KCNN2: variants seen among roughly 807,000 people sequenced by gnomAD.
KCNN2 encodes the protein small conductance calcium-activated potassium channel protein 2.
KCNN2 carries 24 observed loss-of-function variants against 55.5 expected under a neutral mutation model. That is an observed-to-expected ratio of 0.43 (90% CI 0.31 to 0.61). The LOEUF is 0.61. Ranked by LOEUF, KCNN2 falls within the 20% of genes least tolerant of loss-of-function variation. The pLI is 0.08. For synonymous variants in KCNN2, 431 were observed against 336.1 expected (o/e 1.28, Z -3.09); for missense variants, 754 against 853.6 (o/e 0.88, Z 1.45).
At chr5:114,336,502 A>G (rs1357885634) in intron 2 of KCNN2, among the ~76,000 whole-genome samples, 9 of 152,194 alleles carry the variant, frequency 5.9e-5, no homozygotes, top group Admixed American at 5.9e-4. Context: ...CATGTGCATC[A>G]CTGTACTAGA....
At chr5:114,382,165 G>C (rs1474901514) in intron 2 of KCNN2, among the ~76,000 whole-genome samples, 2 of 152,126 alleles carry the variant, frequency 1.3e-5, no homozygotes, top group Non-Finnish European at 2.9e-5. Flanking sequence ...CAACATAGAA[G>C]ACCTGGCATA....
At chr5:114,458,821 C>A (rs1761054565) in intron 3 of KCNN2, among the ~76,000 whole-genome samples, 1 of 152,118 alleles carries the variant, frequency 6.6e-6, no homozygotes, top group Non-Finnish European at 1.5e-5. Flanking sequence ...ACAAACAGAT[C>A]CTCAGAGTAC....
At chr5:114,404,306 G>A in intron 2 of KCNN2, 132 bp from the exon 3 acceptor site, 1 of 660,908 alleles carries the variant, frequency 1.5e-6, no homozygotes. Context: ...TACCTGGCTA[G>A]CATTTAAAAG....
intron 1 of KCNN2, among the ~76,000 whole-genome samples, chr5:114,108,010 GGATATCTAATGTCCTTGCTAAAGA>G: frequency 6.6e-6 from 1 of 152,050 alleles, no homozygotes; most frequent in African/African-American, 2.4e-5. Context: ...TTGGTAGATA[GGATATCTAATGTCCTTGCTAAAGA>G]TTAATTTGTA....
intron 1 of KCNN2, among the ~76,000 whole-genome samples, chr5:114,115,537 C>T (rs1751693337): frequency 6.6e-6 from 1 of 152,018 alleles, no homozygotes; most frequent in Non-Finnish European, 1.5e-5. Context: ...GACATGAATG[C>T]CAGTGATGAT....
intron 3 of KCNN2, among the ~76,000 whole-genome samples, chr5:114,425,383 T>C (rs1580819300): frequency 1.3e-5 from 2 of 152,334 alleles, no homozygotes; most frequent in Middle Eastern, 6.8e-3. Flanking sequence ...TGCTAATTTC[T>C]GGACACCTCC....
intron 2 of KCNN2, among the ~76,000 whole-genome samples, chr5:114,290,409 C>A (rs1598823): frequency 5.9e-4 from 90 of 151,676 alleles, no homozygotes; most frequent in African/African-American, 2.2e-3. Context: ...TATTATAATC[C>A]TTTTTATTCC....
At chr5:114,097,440 A>G (rs990195344) in intron 1 of KCNN2, among the ~76,000 whole-genome samples, 4 of 152,120 alleles carry the variant, frequency 2.6e-5, no homozygotes, top group Non-Finnish European at 4.4e-5. Flanking sequence ...TCATGGGTAT[A>G]TGTTTAGCAT....
intron 1 of KCNN2, among the ~76,000 whole-genome samples, chr5:114,094,687 C>T (rs980270271): frequency 5.9e-5 from 9 of 152,156 alleles, no homozygotes; most frequent in Admixed American, 5.2e-4. Flanking sequence ...TCCGAAGAAA[C>T]ACTTTAAGTA....
At chr5:114,060,937 GC>G (rs1304290628) in intron 1 of KCNN2, among the ~76,000 whole-genome samples, 4 of 152,330 alleles carry the variant, frequency 2.6e-5, no homozygotes, top group African/African-American at 9.6e-5. Context: ...CAGTGCTCTG[GC>G]AGTGGAGTAG....
intron 2 of KCNN2, among the ~76,000 whole-genome samples, chr5:114,241,330 T>A (rs888882999): frequency 2.0e-5 from 3 of 151,928 alleles, no homozygotes; most frequent in African/African-American, 7.2e-5. Context: ...GTAGGATAAA[T>A]TTTGGAGAAG....
In KCNN2 at chr5:114,256,216, G is replaced by GGT. The variant is rs781119925; in HGVS notation, c.-185+34660_-185+34661dup. Among the ~76,000 whole-genome samples, 37 of 151,092 alleles carry GGT rather than the reference G, an allele frequency of 2.4e-4. No homozygotes were observed. The East Asian group carries it at 4.9e-3, about 20-fold the overall frequency. On this transcript the variant is annotated intron_variant, in intron 2 of 10. Coordinates refer to the KCNN2 transcript ENST00000512097. Reference sequence around the variant, plus strand: ...TGGCTGAGTAGGATTCCATGGTATGGGTGTGTGTGTATATATATATATCTA... The same window carrying GGT: ...TGGCTGAGTAGGATTCCATGGTATGGGTGTGTGTGTGTATATATATATATCTA...
chr5:114,467,882 C>A lies in KCNN2; in HGVS notation c.1779+4692C>A, dbSNP rs187524723. ...TCTGAAGTACCTGCACTCACACTGG[C>A]ACTGTTGCTAATCAGGAGATTTAAA... On this transcript the variant is annotated intron_variant, in intron 4 of 7. Coordinates refer to ENST00000673685, the MANE Select transcript of KCNN2 (RefSeq NM_021614.4). 2.2e-3 allele frequency among the ~76,000 whole-genome samples: 330 copies of A among 152,280 alleles called. 1 individual carries two copies. Among genetic ancestry groups the A allele is most frequent in the African/African-American group, 7.5e-3 (311 of 41,554 alleles).
At chr5:114,377,739 C>T (rs189447860) in intron 2 of KCNN2, among the ~76,000 whole-genome samples, 29 of 152,248 alleles carry the variant, frequency 1.9e-4, no homozygotes, top group Middle Eastern at 3.4e-3. Flanking sequence ...CGTAAGAAGA[C>T]AGTATTACCC....
At chr5:114,313,119 A>C (rs1322295467) in intron 2 of KCNN2, among the ~76,000 whole-genome samples, 2 of 152,058 alleles carry the variant, frequency 1.3e-5, no homozygotes, top group Admixed American at 6.6e-5. Context: ...TGTACTGTAC[A>C]TTTAGCTTCA....
intron 1 of KCNN2, among the ~76,000 whole-genome samples, chr5:114,177,998 A>G (rs911763513): frequency 1.2e-4 from 19 of 152,226 alleles, no homozygotes; most frequent in Admixed American, 5.2e-4. Context: ...TAATTTTATC[A>G]TATGACATTG....
rs1748122038 is a variant in KCNN2, at chr5:114,496,337, G to C, written c.*155G>C. 1 of 729,412 alleles carries C rather than the reference G, an allele frequency of 1.4e-6. No homozygotes were observed. The highest frequency in any genetic ancestry group is 3.0e-5 in the Admixed American group (1 of 33,254). The allele number at this position is 729,412 out of a possible 1,614,324, so 45.2% of individuals were successfully genotyped here. ...AACACTAAGTTTTAGGCCAAAATGA[G>C]TGAAAACTCTTTTTTTTTCTTTCAG... On this transcript the variant is annotated 3_prime_UTR_variant, in exon 8 of 8. Coordinates refer to ENST00000673685, the MANE Select transcript of KCNN2 (RefSeq NM_021614.4).
chr5:114,458,852 G>C (rs1017457655), intron 3 of KCNN2, among the ~76,000 whole-genome samples: 3 of 152,140 alleles, frequency 2.0e-5, no homozygotes, highest in African/African-American at 7.2e-5. Flanking sequence ...TAGAGAGAAG[G>C]GGGGACGTGT....
At position 114,111,685 on chromosome 5, in the gene KCNN2, T is replaced by C. The variant is rs375366047; in HGVS notation, c.-271+55185T>C. On this transcript the variant is annotated intron_variant, in intron 1 of 10. Coordinates refer to the KCNN2 transcript ENST00000512097. ...GGGCAAAGGATATGAACAGACACTT[T>C]TCAAAAGAAGATATTTATGCAGCCA... Among the ~76,000 whole-genome samples, 152 of 152,100 alleles carry C rather than the reference T, an allele frequency of 1.0e-3. 3 individuals are homozygous for C. Among genetic ancestry groups the C allele is most frequent in the Non-Finnish European group, 1.9e-3 (132 of 68,004 alleles).
Sources: gnomAD v4.1 joint callset for allele counts (sites outside exome capture counted in the v4.1 genomes callset) on GRCh38, gnomAD v4.1.1 for gene constraint, MANE v1.5 for transcripts, NCBI Gene and HGNC (gene_info 2026-07-23, HGNC 2026-07-21) for gene names.